SLC9A7: variants seen among roughly 807,000 people sequenced by gnomAD.
SLC9A7 encodes the protein sodium/hydrogen exchanger 7.
A neutral mutation model predicts 52.6 loss-of-function variants in SLC9A7; 19 were observed. That is an observed-to-expected ratio of 0.36 (90% CI 0.25 to 0.53). The LOEUF is 0.53. SLC9A7 is among the 20% of genes least tolerant of loss of function. The pLI is 0.91. For missense variants in SLC9A7, 455 were observed against 597.9 expected (o/e 0.76, Z 2.49); for synonymous variants, 226 against 252.1 (o/e 0.90, Z 0.98).
chrX:46,717,626 C>A (rs1376625830), intron 1 of SLC9A7, among the ~76,000 whole-genome samples: 3 of 111,660 alleles, frequency 2.7e-5, no homozygotes, highest in African/African-American at 9.8e-5. Context: ...GTGATCCACC[C>A]ATCTCAGCCT....
chrX:46,646,434 AAAATGGCTG>A (rs1943493152), intron 11 of SLC9A7, among the ~76,000 whole-genome samples: 2 of 111,869 alleles, frequency 1.8e-5, no homozygotes, highest in African/African-American at 6.5e-5. Context: ...GTGCAGGAGA[AAAATGGCTG>A]AAATGAAAAA....
rs1273763063 is a variant in SLC9A7 at position 46,615,544 on chromosome X, G to A, written c.1824-2150C>T. On this transcript the variant is annotated intron_variant, in intron 15 of 16. Transcript: ENST00000616978. Reference sequence around the variant, plus strand: ...AGGAGGCCAGGGGAACTCAGAGACTGCTTTTCAGTTCTCCACCTCAGGTAC... The same window carrying A: ...AGGAGGCCAGGGGAACTCAGAGACTACTTTTCAGTTCTCCACCTCAGGTAC... Among the ~76,000 whole-genome samples the A allele has an allele frequency of 2.7e-5, 3 of 109,886 alleles. No individual in the cohort carries two copies. The East Asian group carries it at 8.5e-4, about 31-fold the overall frequency.
chrX:46,716,072 T>C (rs1001677439), intron 1 of SLC9A7, among the ~76,000 whole-genome samples: 1 of 111,534 alleles, frequency 9.0e-6, no homozygotes, highest in African/African-American at 3.3e-5. Context: ...AATAGTAATC[T>C]TATTTTATAA....
At chrX:46,684,155 A>G (rs1291716972) in intron 1 of SLC9A7, among the ~76,000 whole-genome samples, 2 of 112,194 alleles carry the variant, frequency 1.8e-5, no homozygotes, top group East Asian at 5.5e-4. Flanking sequence ...CCAGATACGA[A>G]ACAATTTGAA....
intron 12 of SLC9A7, 91 bp from the exon 13 acceptor site, chrX:46,635,739 G>T (rs908127242): frequency 3.1e-6 from 2 of 647,421 alleles, no homozygotes; most frequent in African/African-American, 4.4e-5. Context: ...GTCCACCAGA[G>T]AATATTTTTC....
At chrX:46,669,451 T>C (rs1943982393) in intron 5 of SLC9A7, among the ~76,000 whole-genome samples, 156 bp downstream of exon 5, 1 of 110,309 alleles carries the variant, frequency 9.1e-6, no homozygotes, top group Non-Finnish European at 1.9e-5. Flanking sequence ...CTAAGTCTGT[T>C]AGACCCACCT....
At chrX:46,678,263 T>C (rs1235309263) in intron 3 of SLC9A7, among the ~76,000 whole-genome samples, 4 of 110,376 alleles carry the variant, frequency 3.6e-5, no homozygotes, top group African/African-American at 1.3e-4. Flanking sequence ...ACTGAAAGGG[T>C]TTCCTTTAGT....
rs1304349765 is a variant in SLC9A7, at chrX:46,724,217, G to A, written c.325+34488C>T. ...AGAATAGCCCATTGCGGTTAATAAG[G>A]TACTTATGACCATTACCTCAATTAT... is the stretch of plus-strand genomic sequence containing the variant. On this transcript the variant is annotated intron_variant, in intron 1 of 16. Coordinates refer to ENST00000616978, the MANE Select transcript of SLC9A7 (RefSeq NM_001257291.2). Among the ~76,000 whole-genome samples, 29 of 111,530 alleles carry A rather than the reference G, an allele frequency of 2.6e-4. No homozygotes were observed. In the Admixed American group the frequency reaches 2.7e-3, roughly 11 times the overall value.
At chrX:46,624,888 T>A (rs1003910502) in intron 14 of SLC9A7, among the ~76,000 whole-genome samples, 1 of 112,285 alleles carries the variant, frequency 8.9e-6, no homozygotes, top group Non-Finnish European at 1.9e-5. Context: ...CTATTTCTTC[T>A]GCATTCATTA....
rs895556665 is a variant in SLC9A7, at chrX:46,635,405, A to G, written c.1676+184T>C. 1.7e-4 allele frequency among the ~76,000 whole-genome samples: 19 copies of G among 112,235 alleles called. No individual in the cohort carries two copies. The East Asian group carries it at 5.3e-3, about 31-fold the overall frequency. Reference sequence around the variant, plus strand: ...GAATCCCAAGAACACTGACACATCAATCAACCCAGAGGAGGGGTGGAAAAA... The same window carrying G: ...GAATCCCAAGAACACTGACACATCAGTCAACCCAGAGGAGGGGTGGAAAAA... On this transcript the variant is annotated intron_variant, in intron 13 of 16. Coordinates refer to ENST00000616978, the MANE Select transcript of SLC9A7 (RefSeq NM_001257291.2).
intron 12 of SLC9A7, among the ~76,000 whole-genome samples, chrX:46,636,503 A>C (rs1943322121): frequency 9.1e-6 from 1 of 110,148 alleles, no homozygotes; most frequent in Non-Finnish European, 1.9e-5. Context: ...CCAACTAAAA[A>C]CATCTCCAGA....
At chrX:46,694,735 C>T (rs1944425826) in intron 1 of SLC9A7, among the ~76,000 whole-genome samples, 1 of 111,965 alleles carries the variant, frequency 8.9e-6, no homozygotes, top group Non-Finnish European at 1.9e-5. Flanking sequence ...TTACACTCTA[C>T]CCTAGACTAG....
chrX:46,725,513 G>T, intron 1 of SLC9A7: 3 of 971,217 alleles, frequency 3.1e-6, no homozygotes, highest in Non-Finnish European at 3.0e-6. Context: ...CCGTGGTCTT[G>T]GTGTCCTTCA....
intron 1 of SLC9A7, among the ~76,000 whole-genome samples, chrX:46,710,348 T>C (rs950420476): frequency 1.8e-5 from 2 of 111,880 alleles, no homozygotes; most frequent in Admixed American, 9.5e-5. Context: ...AAATGCATCA[T>C]GGAATGTACC....
chrX:46,717,859 G>A (rs1027891398), intron 1 of SLC9A7, among the ~76,000 whole-genome samples: 4 of 111,426 alleles, frequency 3.6e-5, no homozygotes, highest in African/African-American at 1.3e-4. Flanking sequence ...TCATGAAAAT[G>A]GCCATACTGC....
intron 1 of SLC9A7, among the ~76,000 whole-genome samples, chrX:46,727,708 C>T (rs925924483): frequency 8.9e-6 from 1 of 112,149 alleles, no homozygotes; most frequent in Non-Finnish European, 1.9e-5. Context: ...TATGATTGCG[C>T]TTGAGTCTCT....
At chrX:46,723,298 C>CAAAAAAAAAAAAA (rs764219707) in intron 1 of SLC9A7, among the ~76,000 whole-genome samples, 2 of 18,682 alleles carry the variant, frequency 1.1e-4, no homozygotes, top group African/African-American at 1.9e-4. Context: ...AAGATTTCTA[C>CAAAAAAAAAAAAA]AAAAAAAAAA....
intron 1 of SLC9A7, among the ~76,000 whole-genome samples, chrX:46,705,313 A>C (rs994677236): frequency 8.9e-6 from 1 of 112,539 alleles, no homozygotes; most frequent in African/African-American, 3.2e-5. Context: ...GGGTACAATC[A>C]GGACTGACTT....
At chrX:46,679,002 T>C (rs750267916) in intron 3 of SLC9A7, among the ~76,000 whole-genome samples, 8 of 111,692 alleles carry the variant, frequency 7.2e-5, no homozygotes, top group Admixed American at 4.8e-4. Flanking sequence ...ATGTCCCTCA[T>C]GCTACCCCTT....
Sources: gnomAD v4.1 joint callset for allele counts (sites outside exome capture counted in the v4.1 genomes callset) on GRCh38, gnomAD v4.1.1 for gene constraint, MANE v1.5 for transcripts, NCBI Gene and HGNC (gene_info 2026-07-23, HGNC 2026-07-21) for gene names.